The following SYTL2 variants were observed in gnomAD, a reference collection of about 807,000 sequenced individuals.
The protein encoded by SYTL2 is synaptotagmin like 2, also known as synaptotagmin-like protein 2.
In SYTL2, 165 loss-of-function variants were observed where a neutral mutation model predicts 198.7. The observed-to-expected ratio is 0.83, with a 90% CI of 0.73 to 0.94. The LOEUF (loss-of-function observed/expected upper bound fraction) is 0.94. Among genes scored for constraint, SYTL2 ranks in the 40% least tolerant of loss-of-function variants. SYTL2 has a pLI of 0.00. For missense variants in SYTL2, 2,835 were observed against 2,582.8 expected (o/e 1.10, Z -2.12); for synonymous variants, 966 against 917.7 (o/e 1.05, Z -0.95).
At chr11:85,777,233 T>C (rs1473947564) in intron 1 of SYTL2, among the ~76,000 whole-genome samples, 2 of 152,218 alleles carry the variant, frequency 1.3e-5, no homozygotes, top group Non-Finnish European at 2.9e-5. Flanking sequence ...CAAGCCCTAC[T>C]TTTCCCTTGG....
At chr11:85,720,177 T>C (rs1489924048) in intron 9 of SYTL2, among the ~76,000 whole-genome samples, 2 of 152,210 alleles carry the variant, frequency 1.3e-5, no homozygotes, top group African/African-American at 2.4e-5. Context: ...TTTGGGCTTA[T>C]AGTTCCAGTA....
At chr11:85,825,317 G>A in the SYTL2 span, among the ~76,000 whole-genome samples, 1 of 151,022 alleles carries the variant, frequency 6.6e-6, no homozygotes, top group Admixed American at 6.6e-5. Flanking sequence ...GAACCCGGGA[G>A]GCGGAGCTTG....
At chr11:85,707,737 G>A (rs1355784501) in intron 14 of SYTL2, among the ~76,000 whole-genome samples, 1 of 151,976 alleles carries the variant, frequency 6.6e-6, no homozygotes, top group Non-Finnish European at 1.5e-5. Context: ...ATATTGTTTT[G>A]AAGATTTTTA....
Position 85,733,942 on chromosome 11 carries a change from C to T in SYTL2, c.1387G>A (p.Ala463Thr). Residue 463 changes from alanine (A) to threonine (T), a missense_variant, in exon 7 of 20, where the codon GCT becomes ACT. Ala to Thr is a moderately conservative substitution (Grantham distance 58, BLOSUM62 0). This residue lies in a region of SYTL2 where 2,645 missense variants were observed against 2,381.7 expected (regional missense o/e 1.11). Coordinates refer to ENST00000359152, the MANE Select transcript of SYTL2 (RefSeq NM_206927.4). The part of the protein sequence containing the change: ...RLESVLPRSP[A>T]DELSHCVEPE... ...CTAGTAGTGACAACTCTCTTACCAGCAGGGCTTCTGGGTAATACAGATTCA... is the reference window on the plus strand; with the variant it reads ...CTAGTAGTGACAACTCTCTTACCAGTAGGGCTTCTGGGTAATACAGATTCA... 6.2e-7 allele frequency: 1 copy of T among 1,613,416 alleles called. No individual in the cohort carries two copies. Among genetic ancestry groups the T allele is most frequent in the Non-Finnish European group, 8.5e-7 (1 of 1,179,552 alleles).
At position 85,777,277 on chromosome 11, in the gene SYTL2, T is replaced by A. The variant is rs116788359; in HGVS notation, c.-389-19163A>T. On this transcript the variant is annotated intron_variant, in intron 1 of 19. Coordinates refer to ENST00000359152, the MANE Select transcript of SYTL2 (RefSeq NM_206927.4). ...GTAAGTATCAGGAAGAGGGCTAACA[T>A]GGGGTTAAGAACATGTAATCTGTAC... Among the ~76,000 whole-genome samples, 969 of 152,292 alleles carry A rather than the reference T, an allele frequency of 6.4e-3. 11 individuals are homozygous for A. Among genetic ancestry groups the A allele is most frequent in the African/African-American group, 0.022 (933 of 41,548 alleles).
chr11:85,829,561 T>C, the SYTL2 span, among the ~76,000 whole-genome samples: 25 of 152,340 alleles, frequency 1.6e-4, no homozygotes, highest in African/African-American at 5.8e-4. Context: ...TCTTTGGGTA[T>C]ACACCCAGTA....
chr11:85,815,092 C>T (rs1381799103), upstream of SYTL2, among the ~76,000 whole-genome samples: 1 of 152,122 alleles, frequency 6.6e-6, no homozygotes, highest in Non-Finnish European at 1.5e-5. Flanking sequence ...CTCATTGATA[C>T]CCAAAATGAC....
chr11:85,721,561 C>T (rs1391004144), intron 8 of SYTL2, among the ~76,000 whole-genome samples: 2 of 151,858 alleles, frequency 1.3e-5, no homozygotes, highest in Non-Finnish European at 2.9e-5. Context: ...TTACTAATGC[C>T]GTTATTTTAT....
At chr11:85,752,944 AAAAAAAAC>A (rs2091621164) in intron 2 of SYTL2, among the ~76,000 whole-genome samples, 1 of 145,168 alleles carries the variant, frequency 6.9e-6, no homozygotes, top group African/African-American at 2.6e-5. Context: ...AAAAAAAAAA[AAAAAAAAC>A]ACAACTAGGT....
chr11:85,784,401 T>C (rs1304781664), intron 1 of SYTL2, among the ~76,000 whole-genome samples: 1 of 151,996 alleles, frequency 6.6e-6, no homozygotes, highest in Non-Finnish European at 1.5e-5. Context: ...ACCTCATTAA[T>C]GTCTTGCAAA....
intron 2 of SYTL2, among the ~76,000 whole-genome samples, chr11:85,749,832 GAGA>G (rs2091404142): frequency 6.6e-6 from 1 of 152,158 alleles, no homozygotes; most frequent in African/African-American, 2.4e-5. Context: ...TTCCAGAATG[GAGA>G]AGTTCTTCTA....
the SYTL2 span, among the ~76,000 whole-genome samples, chr11:85,842,545 C>T: frequency 6.6e-6 from 1 of 152,214 alleles, no homozygotes; most frequent in Non-Finnish European, 1.5e-5. Context: ...CTTCCTCCCT[C>T]ATCTCCCCAT....
intron 4 of SYTL2, among the ~76,000 whole-genome samples, chr11:85,742,708 T>A (rs896638316): frequency 5.3e-5 from 8 of 152,210 alleles, no homozygotes; most frequent in African/African-American, 1.9e-4. Flanking sequence ...ACATAAGATA[T>A]CAATCTGTGA....
intron 4 of SYTL2, among the ~76,000 whole-genome samples, chr11:85,739,225 C>A (rs2090594414): frequency 6.7e-6 from 1 of 149,104 alleles, no homozygotes; most frequent in South Asian, 2.1e-4. Context: ...CCAGGAGAAG[C>A]AGCAACAGAT....
chr11:85,811,532 C>A (rs1314091400), upstream of SYTL2, among the ~76,000 whole-genome samples: 2 of 152,068 alleles, frequency 1.3e-5, no homozygotes, highest in Non-Finnish European at 2.9e-5. Context: ...GGACAGCCAC[C>A]GCGCAGGGAA....
chr11:85,770,903 G>C lies in SYTL2; in HGVS notation c.-389-12789C>G, dbSNP rs572423494. ...AGAGCCCAGGCTCTAGAGTCAGATAGACCCGAATATAATGTGGCCCTATTA... is the reference window on the plus strand; with the variant it reads ...AGAGCCCAGGCTCTAGAGTCAGATACACCCGAATATAATGTGGCCCTATTA... On this transcript the variant is annotated intron_variant, in intron 1 of 19. Transcript: ENST00000359152. Among the ~76,000 whole-genome samples the C allele has an allele frequency of 1.5e-3, 229 of 152,318 alleles. 1 individual carries two copies. Among genetic ancestry groups the C allele is most frequent in the African/African-American group, 5.4e-3 (223 of 41,574 alleles).
chr11:85,807,423 A>G (rs1030682952), intron 1 of SYTL2, among the ~76,000 whole-genome samples: 2 of 152,240 alleles, frequency 1.3e-5, no homozygotes, highest in Non-Finnish European at 2.9e-5. Flanking sequence ...GCATACACAC[A>G]TGCATGCAAT....
chr11:85,831,516 C>T, the SYTL2 span, among the ~76,000 whole-genome samples: 4 of 152,098 alleles, frequency 2.6e-5, no homozygotes, highest in Non-Finnish European at 5.9e-5. Flanking sequence ...ATTAAATGAT[C>T]AAACTTGCTC....
chr11:85,703,604 A>C (rs1412768184), intron 16 of SYTL2, among the ~76,000 whole-genome samples: 1 of 152,228 alleles, frequency 6.6e-6, no homozygotes, highest in Non-Finnish European at 1.5e-5. Context: ...ATATTCACTA[A>C]GAGTAAAACT....
Sources: allele counts gnomAD v4.1 joint callset (sites outside exome capture counted in the v4.1 genomes callset), GRCh38; gene constraint gnomAD v4.1.1; regional missense constraint gnomAD v4.1.1; transcripts MANE v1.5; gene names NCBI Gene and HGNC (gene_info 2026-07-23, HGNC 2026-07-21).